SYT12: variants seen among roughly 807,000 people sequenced by gnomAD.
SYT12 encodes synaptotagmin-12.
Under a neutral mutation model 39.5 loss-of-function variants are expected in SYT12, and 27 were observed. The ratio of observed to expected loss-of-function variants is 0.68; its 90% CI spans 0.50 to 0.94. The LOEUF is 0.94. SYT12 is among the 40% of genes least tolerant of loss of function. SYT12 has a pLI of 0.00. For missense variants in SYT12, 536 were observed against 572.6 expected (o/e 0.94, Z 0.65); for synonymous variants, 233 against 239.7 (o/e 0.97, Z 0.26).
intron 3 of SYT12, among the ~76,000 whole-genome samples, chr11:67,012,953 G>T (rs945807096): frequency 7.1e-6 from 1 of 141,470 alleles, no homozygotes; most frequent in Admixed American, 6.8e-5. Flanking sequence ...TTGAAACCTG[G>T]GGGGGGTCAT....
chr11:67,034,632 C>G lies in SYT12; in HGVS notation c.35-13C>G. ...CTAGGAAGCCCTAATGAGAGGCTGC[C>G]CTTGCCTTGCAGTCATCAAGAGCCC... On this transcript the variant is annotated splice_polypyrimidine_tract_variant and intron_variant, in intron 2 of 7. Transcript: ENST00000527043. The G allele has an allele frequency of 6.3e-7, 1 of 1,576,200 alleles. No individual in the cohort carries two copies. The highest frequency in any genetic ancestry group is 8.6e-7 in the Non-Finnish European group (1 of 1,166,962).
chr11:67,032,193 C>T (rs1950281999), intron 2 of SYT12: 1 of 152,184 alleles, frequency 6.6e-6, no homozygotes, highest in Non-Finnish European at 1.5e-5. Flanking sequence ...TTAACAATGC[C>T]AGAAATGTGT....
At chr11:67,030,872 TCTC>T in intron 2 of SYT12, 1 of 152,488 alleles carries the variant, frequency 6.6e-6, no homozygotes, top group African/African-American at 2.4e-5. Context: ...CCTTTGTTCC[TCTC>T]CTCATTCACA....
chr11:67,040,695 G>A (rs189966458), intron 4 of SYT12, among the ~76,000 whole-genome samples: 5 of 152,018 alleles, frequency 3.3e-5, no homozygotes, highest in East Asian at 1.9e-4. Context: ...AAAATTAGCC[G>A]GGCGTGGTGG....
intron 3 of SYT12, among the ~76,000 whole-genome samples, chr11:67,015,104 C>A (rs1261108917): frequency 1.3e-5 from 2 of 152,196 alleles, no homozygotes; most frequent in Admixed American, 1.3e-4. Flanking sequence ...TCTCTGGCCC[C>A]TTACTTTCCC....
At chr11:67,024,403 C>A (rs1950153791) in intron 1 of SYT12, among the ~76,000 whole-genome samples, 1 of 152,250 alleles carries the variant, frequency 6.6e-6, no homozygotes, top group Admixed American at 6.5e-5. Context: ...CCTCCCTACT[C>A]TGAAGTCTGA....
rs557590728 is a variant in SYT12, at chr11:67,017,309, C to T, written c.-68-4560C>T. 9.9e-5 allele frequency among the ~76,000 whole-genome samples: 15 copies of T among 151,910 alleles called. No homozygotes were observed. The East Asian group carries it at 1.7e-3, about 18-fold the overall frequency. Reference sequence around the variant, plus strand: ...GGCGGAGGCAGAAAGATCATTTGAGCCCGGGAGTTCAAGACCAGCCCGGGT... The same window carrying T: ...GGCGGAGGCAGAAAGATCATTTGAGTCCGGGAGTTCAAGACCAGCCCGGGT... On this transcript the variant is annotated intron_variant, in intron 3 of 10. Transcript: ENST00000393946.
Position 67,023,273 on chromosome 11 carries a change from T to G in SYT12, c.-211T>G, listed in dbSNP as rs1447933549. On this transcript the variant is annotated 5_prime_UTR_variant, in exon 1 of 8. Coordinates refer to ENST00000527043, the MANE Select transcript of SYT12 (RefSeq NM_177963.4). ...GAGCGTGCCCGGACTGCGGCGCAGC[T>G]CCGGTCCGCCGCCCCGGCCCGGCCG... 1 of 149,158 alleles carries G rather than the reference T, an allele frequency of 6.7e-6. No homozygotes were observed. The highest frequency in any genetic ancestry group is 2.4e-5 in the African/African-American group (1 of 41,090). The allele number at this position is 149,158 out of a possible 1,614,324, so 9.2% of individuals were successfully genotyped here.
Position 67,040,163 on chromosome 11 carries a change from T to C in SYT12, c.581T>C (p.Val194Ala), listed in dbSNP as rs1229902532. ...AGCTTCGAGTCCTGCTTCATGCGCG[T>C]CAGCCTGCTGCCGGACGAGCAGATC... is the stretch of plus-strand genomic sequence containing the variant. ...EASFESCFMRVSLLPDEQIVG... is the reference protein window; with the variant it reads ...EASFESCFMRASLLPDEQIVG... The change falls in exon 4 of 8, where the codon GTC becomes GCC. Residue 194 changes from valine (V) to alanine (A), a missense_variant. Coordinates refer to ENST00000527043, the MANE Select transcript of SYT12 (RefSeq NM_177963.4). The C allele has an allele frequency of 6.3e-7, 1 of 1,598,082 alleles. No individual in the cohort carries two copies. Among genetic ancestry groups the C allele is most frequent in the Non-Finnish European group, 8.5e-7 (1 of 1,169,610 alleles).
intron 3 of SYT12, among the ~76,000 whole-genome samples, chr11:67,013,851 C>T (rs2136194415): frequency 6.6e-6 from 1 of 152,336 alleles, no homozygotes; most frequent in South Asian, 2.1e-4. Context: ...TCTCATAGTT[C>T]TGGAGGCCAG....
At position 67,050,369 on chromosome 11, in the gene SYT12, A is replaced by C. The variant is rs941459873; in HGVS notation, c.*1612A>C. On this transcript the variant is annotated 3_prime_UTR_variant, in exon 8 of 8. Coordinates refer to ENST00000527043, the MANE Select transcript of SYT12 (RefSeq NM_177963.4). ...CCCACAGGTGACAGCATGGACCCTC[A>C]GGCTGGCTGCCCCTGTTCCTTGGTC... 6.6e-5 allele frequency: 10 copies of C among 152,444 alleles called. No homozygotes were observed. Among genetic ancestry groups the C allele is most frequent in the African/African-American group, 2.4e-4 (10 of 41,466 alleles). The allele number at this position is 152,444 out of a possible 1,614,324, so 9.4% of individuals were successfully genotyped here. A position where few individuals can be genotyped will look rare whatever the true frequency, so the allele number is the denominator to read the frequency against.
intron 2 of SYT12, chr11:67,031,880 C>G (rs1198537999): frequency 6.6e-6 from 1 of 152,292 alleles, no homozygotes; most frequent in South Asian, 2.1e-4. Flanking sequence ...AGCCAACCCC[C>G]GGCTACTACC....
chr11:67,014,774 G>A (rs1271259686), intron 3 of SYT12, among the ~76,000 whole-genome samples: 1 of 152,118 alleles, frequency 6.6e-6, no homozygotes, highest in East Asian at 1.9e-4. Flanking sequence ...GCCCTGGCTG[G>A]CTGTCCGTGG....
Position 67,049,022 on chromosome 11 carries a change from G to A in SYT12, c.*265G>A, listed in dbSNP as rs1313970108. The A allele has an allele frequency of 5.1e-6, 2 of 392,902 alleles. No homozygotes were observed. The highest frequency in any genetic ancestry group is 9.2e-6 in the Non-Finnish European group (2 of 216,988). The allele number at this position is 392,902 out of a possible 1,614,324, so 24.3% of individuals were successfully genotyped here. ...GACTCAACCCTGCTCCTCCCGGTAG[G>A]CCAGCTGCCGAGCTGGGCTATGTTC... On this transcript the variant is annotated 3_prime_UTR_variant, in exon 8 of 8. Transcript: ENST00000527043.
upstream of SYT12, among the ~76,000 whole-genome samples, chr11:67,018,564 T>C (rs1038303458): frequency 3.3e-5 from 5 of 152,020 alleles, no homozygotes; most frequent in Admixed American, 6.6e-5. Flanking sequence ...GGCTCAAGCC[T>C]GTAATCCCAG....
In SYT12 at chr11:67,034,586, C is replaced by A. The variant is rs564604802; in HGVS notation, c.35-59C>A. 43 of 1,500,738 alleles carry A rather than the reference C, an allele frequency of 2.9e-5. No homozygotes were observed. In the East Asian group the frequency reaches 1.1e-3, roughly 38 times the overall value. The allele number at this position is 1,500,738 out of a possible 1,614,324, so 93.0% of individuals were successfully genotyped here. On this transcript the variant is annotated intron_variant, in intron 2 of 7. Coordinates refer to ENST00000527043, the MANE Select transcript of SYT12 (RefSeq NM_177963.4). ...TCAATGTAGAAGTCGGTGCTGCTCC[C>A]CGGGTGGGGGTCTGTATCCACTAGG...
chr11:67,035,847 T>C (rs1215403637), intron 3 of SYT12, among the ~76,000 whole-genome samples: 4 of 118,478 alleles, frequency 3.4e-5, no homozygotes, highest in South Asian at 2.8e-4. Flanking sequence ...CCTTTCTTTC[T>C]TTCTTTCTTT....
chr11:67,047,489 A>C (rs988974742), intron 7 of SYT12, among the ~76,000 whole-genome samples: 16 of 149,194 alleles, frequency 1.1e-4, no homozygotes, highest in Non-Finnish European at 2.1e-4. Flanking sequence ...GCTGGTCTCG[A>C]ACTCCCAGCT....
chr11:67,048,463 G>C, intron 7 of SYT12, 121 bp from the exon 8 acceptor site: 1 of 1,035,106 alleles, frequency 9.7e-7, no homozygotes, highest in Middle Eastern at 2.4e-4. Context: ...TCAGAGGTGA[G>C]GATTCAGGGA....
Sources: gnomAD v4.1 joint callset for allele counts (sites outside exome capture counted in the v4.1 genomes callset) on GRCh38, gnomAD v4.1.1 for gene constraint, MANE v1.5 for transcripts, NCBI Gene and HGNC (gene_info 2026-07-23, HGNC 2026-07-21) for gene names.